Variants in XKR4 observed in about 807,000 individuals in gnomAD.
XKR4 encodes the protein XK-related protein 4.
In XKR4, 12 loss-of-function variants were observed where a neutral mutation model predicts 53.9. The observed-to-expected ratio is 0.22, with a 90% CI of 0.14 to 0.36. XKR4 has a LOEUF of 0.36. XKR4 is among the 10% of genes least tolerant of loss of function. The probability of loss-of-function intolerance (pLI) is 1.00; values close to 1 mark genes in which losing one functional copy is unlikely to be tolerated. For missense variants in XKR4, 799 were observed against 859.5 expected (o/e 0.93, Z 0.88); for synonymous variants, 354 against 362.4 (o/e 0.98, Z 0.26).
At chr8:55,202,858 T>C (rs1278126581) in intron 1 of XKR4, among the ~76,000 whole-genome samples, 2 of 152,168 alleles carry the variant, frequency 1.3e-5, no homozygotes, top group Admixed American at 6.5e-5. Flanking sequence ...CCTTTAGACA[T>C]GGAGATTTCC....
chr8:55,439,267 C>T (rs1486246203), intron 2 of XKR4, among the ~76,000 whole-genome samples: 1 of 152,144 alleles, frequency 6.6e-6, no homozygotes, highest in African/African-American at 2.4e-5. Flanking sequence ...TTGAAAAATG[C>T]ACATTAAATC....
intron 2 of XKR4, among the ~76,000 whole-genome samples, chr8:55,375,756 C>G (rs955075643): frequency 1.3e-5 from 2 of 151,056 alleles, no homozygotes; most frequent in Admixed American, 1.3e-4. Flanking sequence ...CCAGGGTACA[C>G]GTGCAGGATG....
intron 2 of XKR4, among the ~76,000 whole-genome samples, chr8:55,440,432 A>C (rs1263530244): frequency 6.6e-6 from 1 of 152,232 alleles, no homozygotes; most frequent in Non-Finnish European, 1.5e-5. Flanking sequence ...AAATAATAGC[A>C]TATTAATCTG....
intron 1 of XKR4, among the ~76,000 whole-genome samples, chr8:55,150,027 TCCTAGATGTATCATC>T (rs1281142307): frequency 6.6e-6 from 1 of 152,222 alleles, no homozygotes; most frequent in Non-Finnish European, 1.5e-5. Context: ...GCCATTCTAC[TCCTAGATGTATCATC>T]CCAGACAAAT....
At chr8:55,501,430 C>A (rs1225253515) in intron 2 of XKR4, among the ~76,000 whole-genome samples, 1 of 152,080 alleles carries the variant, frequency 6.6e-6, no homozygotes, top group African/African-American at 2.4e-5. Context: ...AACTGAAATT[C>A]TGTACCCATC....
intron 2 of XKR4, among the ~76,000 whole-genome samples, chr8:55,488,633 T>C (rs1806227425): frequency 6.6e-6 from 1 of 152,122 alleles, no homozygotes; most frequent in Admixed American, 6.5e-5. Context: ...TGGAAAAGAA[T>C]GGAGAGAATA....
In XKR4 at chr8:55,217,546, T is replaced by C. The variant is rs79075489; in HGVS notation, c.806+114252T>C. Among the ~76,000 whole-genome samples the C allele has an allele frequency of 1.6e-4, 25 of 152,306 alleles. No individual in the cohort carries two copies. In the East Asian group the frequency reaches 2.7e-3, roughly 16 times the overall value. ...GAAGTTGAACATGTGACCTAGCCAA[T>C]GCATTCCTGAGGGAATATATAGCCC... On this transcript the variant is annotated intron_variant, in intron 1 of 2. Transcript: ENST00000327381.
intron 2 of XKR4, chr8:55,450,430 C>T: frequency 8.8e-6 from 5 of 569,822 alleles, no homozygotes; most frequent in East Asian, 3.5e-5. Context: ...CTTGCTCATC[C>T]GGTCCACACA....
intron 2 of XKR4, among the ~76,000 whole-genome samples, chr8:55,362,230 T>C (rs890107169): frequency 6.6e-6 from 1 of 152,120 alleles, no homozygotes; most frequent in Non-Finnish European, 1.5e-5. Flanking sequence ...GCCTGAGTTT[T>C]AGAACAGGGA....
At chr8:55,502,608 G>C (rs1430298377) in intron 2 of XKR4, among the ~76,000 whole-genome samples, 1 of 150,982 alleles carries the variant, frequency 6.6e-6, no homozygotes, top group African/African-American at 2.4e-5. Context: ...TTGAGTTATA[G>C]TTTTTTTTTA....
intron 2 of XKR4, among the ~76,000 whole-genome samples, chr8:55,438,590 G>A (rs2658926): frequency 0.23 from 22,702 of 99,962 alleles, 3,353 homozygotes; most frequent in African/African-American, 0.4. Context: ...ACTCCATCTT[G>A]AAAAAAAAAA....
chr8:55,191,631 G>A (rs1817444846), intron 1 of XKR4, among the ~76,000 whole-genome samples: 1 of 151,230 alleles, frequency 6.6e-6, no homozygotes, highest in Non-Finnish European at 1.5e-5. Flanking sequence ...ACTAGGACAC[G>A]CTTCCATTTC....
intron 2 of XKR4, among the ~76,000 whole-genome samples, chr8:55,497,469 T>G (rs530411082): frequency 9.2e-5 from 14 of 152,304 alleles, no homozygotes; most frequent in African/African-American, 3.4e-4. Context: ...GTTCTAACCT[T>G]TTGCTTTATT....
intron 1 of XKR4, among the ~76,000 whole-genome samples, chr8:55,235,965 A>G (rs1312099107): frequency 6.6e-6 from 1 of 152,218 alleles, no homozygotes; most frequent in Non-Finnish European, 1.5e-5. Flanking sequence ...GCCTCTCTGC[A>G]TTAAATTGTT....
At position 55,185,801 on chromosome 8, in the gene XKR4, G is replaced by C. The variant is rs540683624; in HGVS notation, c.806+82507G>C. Reference sequence around the variant, plus strand: ...GAATTTCTCAGAAGAGAGTATAAGAGAGTTTGATTCCACCTAGATTGCCTA... The same window carrying C: ...GAATTTCTCAGAAGAGAGTATAAGACAGTTTGATTCCACCTAGATTGCCTA... On this transcript the variant is annotated intron_variant, in intron 1 of 2. Coordinates refer to ENST00000327381, the MANE Select transcript of XKR4 (RefSeq NM_052898.2). 2.4e-4 allele frequency among the ~76,000 whole-genome samples: 37 copies of C among 152,202 alleles called. No homozygotes were observed. The South Asian group carries it at 5.6e-3, about 23-fold the overall frequency.
rs751741674 is a variant in XKR4 at position 55,103,333 on chromosome 8, G to T, written c.806+39G>T. 1.0e-5 allele frequency: 16 copies of T among 1,554,742 alleles called. No individual in the cohort carries two copies. The South Asian group carries it at 1.9e-4, about 18-fold the overall frequency. ...TGGGGGAAAAGGGAGGCTTGCTGCT[G>T]CTACTACATCCCCACTGCTTTGCTT... On this transcript the variant is annotated intron_variant, in intron 1 of 2. Transcript: ENST00000327381.
chr8:55,474,072 T>C (rs1415046659), intron 2 of XKR4, among the ~76,000 whole-genome samples: 1 of 152,022 alleles, frequency 6.6e-6, no homozygotes, highest in Non-Finnish European at 1.5e-5. Flanking sequence ...ACCCAACTGA[T>C]TTTATTTAAT....
At chr8:55,201,461 A>C (rs940349058) in intron 1 of XKR4, among the ~76,000 whole-genome samples, 1 of 152,186 alleles carries the variant, frequency 6.6e-6, no homozygotes, top group African/African-American at 2.4e-5. Context: ...AGAGTAATTT[A>C]AAATTTGTCA....
intron 2 of XKR4, among the ~76,000 whole-genome samples, chr8:55,391,834 G>C (rs1804447101): frequency 6.6e-6 from 1 of 152,136 alleles, no homozygotes; most frequent in Non-Finnish European, 1.5e-5. Context: ...TTTTAAACCA[G>C]TGTTTTGGCT....
Sources: allele counts gnomAD v4.1 joint callset (sites outside exome capture counted in the v4.1 genomes callset), GRCh38; gene constraint gnomAD v4.1.1; transcripts MANE v1.5; gene names NCBI Gene and HGNC (gene_info 2026-07-23, HGNC 2026-07-21).